PRKN: variants seen among roughly 807,000 people sequenced by gnomAD.
PRKN encodes the protein parkin RBR E3 ubiquitin protein ligase, also known as E3 ubiquitin-protein ligase parkin.
In PRKN, 56 loss-of-function variants were observed where a neutral mutation model predicts 59.5. That is an observed-to-expected ratio of 0.94 (90% confidence interval 0.76 to 1.18). The LOEUF is 1.18. Ranked by LOEUF, PRKN falls within the 50% of genes most tolerant of loss-of-function variation. The pLI is 0.00. For synonymous variants in PRKN, 250 were observed against 222.1 expected, an observed-to-expected ratio of 1.13 and a Z score of -1.12; for missense variants, 657 against 596.4, an observed-to-expected ratio of 1.10 and a Z score of -1.06.
intron 4 of PRKN, among the ~76,000 whole-genome samples, chr6:162,156,962 T>C (rs1010468510): frequency 6.6e-6 from 1 of 150,450 alleles, no homozygotes; most frequent in Admixed American, 6.7e-5. Flanking sequence ...CATTTCCCCA[T>C]TGCAAATCAC....
intron 6 of PRKN, among the ~76,000 whole-genome samples, chr6:161,935,724 C>A (rs1456652474): frequency 6.6e-6 from 1 of 151,866 alleles, no homozygotes; most frequent in Non-Finnish European, 1.5e-5. Context: ...ACGACAATGC[C>A]CCAAAGAAAT....
chr6:161,542,651 C>T (rs542205185), intron 9 of PRKN, among the ~76,000 whole-genome samples: 12 of 152,168 alleles, frequency 7.9e-5, no homozygotes, highest in Non-Finnish European at 1.8e-4. Context: ...TTTCATAACA[C>T]CAACTTTCTT....
At chr6:162,671,926 G>A (rs532293330) in intron 1 of PRKN, among the ~76,000 whole-genome samples, 4 of 152,062 alleles carry the variant, frequency 2.6e-5, no homozygotes, top group South Asian at 4.2e-4. Flanking sequence ...GACAGGTGAC[G>A]GAGGCAGACA....
At chr6:162,395,273 A>C (rs973879857) in intron 2 of PRKN, among the ~76,000 whole-genome samples, 2 of 152,184 alleles carry the variant, frequency 1.3e-5, no homozygotes, top group Non-Finnish European at 2.9e-5. Context: ...ATATAAAGGA[A>C]TGCAGCTGCC....
At chr6:162,719,777 C>A (rs1778861621) in intron 1 of PRKN, among the ~76,000 whole-genome samples, 1 of 151,844 alleles carries the variant, frequency 6.6e-6, no homozygotes, top group Admixed American at 6.6e-5. Flanking sequence ...GTTGTTCAGA[C>A]AACAGCTGCT....
intron 5 of PRKN, among the ~76,000 whole-genome samples, chr6:161,978,345 C>T (rs968762101): frequency 6.6e-5 from 10 of 152,204 alleles, no homozygotes; most frequent in Non-Finnish European, 8.8e-5. Context: ...CCACTGTGCC[C>T]GGCCGATCTG....
chr6:162,402,358 T>C (rs1787838876), intron 2 of PRKN, among the ~76,000 whole-genome samples: 2 of 151,958 alleles, frequency 1.3e-5, no homozygotes, highest in East Asian at 3.9e-4. Context: ...TTAATAGCCA[T>C]ATGTACTTTT....
intron 1 of PRKN, among the ~76,000 whole-genome samples, chr6:162,713,386 C>T (rs1026483814): frequency 6.8e-6 from 1 of 146,466 alleles, no homozygotes; most frequent in Non-Finnish European, 1.5e-5. Context: ...CCCAGCTACT[C>T]GGGAGGCTGA....
In PRKN at chr6:161,550,730, TGTGTGCAC is replaced by T. The variant is rs1413992274; in HGVS notation, c.934-1735_934-1728del. 3.8e-4 allele frequency among the ~76,000 whole-genome samples: 44 copies of T among 115,604 alleles called. No individual in the cohort carries two copies. Among genetic ancestry groups the T allele is most frequent in the Middle Eastern group, 4.8e-3 (1 of 210 alleles). 75.8% of individuals were successfully genotyped at this position (115,604 alleles called of 152,430 possible). On this transcript the variant is annotated intron_variant, in intron 8 of 11. Transcript: ENST00000366898. The surrounding 1 kb of genome is among the most constrained non-coding windows in gnomAD (Gnocchi z 4.0). The stretch of plus-strand genomic sequence containing the variant: ...TGTGGTAGAAGAAAGGGTATGTGTG[TGTGTGCAC>T]GTGTGTGTGTGTGTGTGTGTGTGTA...
intron 2 of PRKN, among the ~76,000 whole-genome samples, chr6:162,301,251 A>C (rs897247484): frequency 3.3e-5 from 5 of 152,250 alleles, no homozygotes; most frequent in Non-Finnish European, 7.4e-5. Context: ...CGTCCATGGA[A>C]GAGAGAAGAC....
At chr6:161,737,180 G>C (rs947885968) in intron 7 of PRKN, among the ~76,000 whole-genome samples, 1 of 152,208 alleles carries the variant, frequency 6.6e-6, no homozygotes, top group African/African-American at 2.4e-5. Context: ...AGGGGCTGAC[G>C]GCGAGGTCCA....
At chr6:162,690,293 G>A (rs1777728345) in intron 1 of PRKN, among the ~76,000 whole-genome samples, 3 of 152,176 alleles carry the variant, frequency 2.0e-5, no homozygotes, top group Admixed American at 1.3e-4. Flanking sequence ...ATTCTATGGA[G>A]AAACCAAGCA....
In PRKN at chr6:162,093,428, G is replaced by A. The variant is rs114253301; in HGVS notation, c.535-39254C>T. ...GTTATTAACCAATTTGCAGATCTCC[G>A]TGTATTACTGGTAATAGAGGCACAC... On this transcript the variant is annotated intron_variant, in intron 4 of 11. Coordinates refer to ENST00000366898, the MANE Select transcript of PRKN (RefSeq NM_004562.3). Among the ~76,000 whole-genome samples, 387 of 152,048 alleles carry A rather than the reference G, an allele frequency of 2.5e-3. 2 individuals carry two copies. The highest frequency in any genetic ancestry group is 9.0e-3 in the African/African-American group (375 of 41,456).
chr6:162,445,513 C>T (rs1029307882), intron 1 of PRKN, among the ~76,000 whole-genome samples: 2 of 151,264 alleles, frequency 1.3e-5, no homozygotes, highest in East Asian at 1.9e-4. Flanking sequence ...AAAGTGAGAC[C>T]CCATCTCTAC....
At chr6:161,769,528 G>A (rs1448279477) in intron 7 of PRKN, among the ~76,000 whole-genome samples, 1 of 152,132 alleles carries the variant, frequency 6.6e-6, no homozygotes. Flanking sequence ...GACAGAGGCT[G>A]CCAGATGTCC....
At chr6:161,667,058 A>T (rs1176323414) in intron 7 of PRKN, among the ~76,000 whole-genome samples, 3 of 152,232 alleles carry the variant, frequency 2.0e-5, no homozygotes, top group Non-Finnish European at 4.4e-5. Context: ...TCTATGATTA[A>T]CACAGCCAAG....
At chr6:161,713,446 G>T (rs945264495) in intron 7 of PRKN, among the ~76,000 whole-genome samples, 2 of 152,108 alleles carry the variant, frequency 1.3e-5, no homozygotes, top group African/African-American at 4.8e-5. Context: ...TCTCTAGGGG[G>T]TGCACCCTGA....
intron 9 of PRKN, among the ~76,000 whole-genome samples, chr6:161,452,101 G>A (rs60809812): frequency 2.0e-5 from 3 of 151,436 alleles, no homozygotes; most frequent in Non-Finnish European, 2.9e-5. Context: ...GATTACAGGC[G>A]CACCACCACA....
rs114764193 is a variant in PRKN at position 161,476,246 on chromosome 6, G to C, written c.1083+72608C>G. ...AAACTGTTCATCAAACTGCCAAATG[G>C]ATCTCTAGTACAAAATGGCTAAAAC... is the stretch of plus-strand genomic sequence containing the variant. On this transcript the variant is annotated intron_variant, in intron 9 of 11. Transcript: ENST00000366898. 5.1e-3 allele frequency among the ~76,000 whole-genome samples: 769 copies of C among 152,008 alleles called. 4 individuals are homozygous for C. The highest frequency in any genetic ancestry group is 0.017 in the African/African-American group (725 of 41,474).
Sources: gnomAD v4.1 joint callset for allele counts (sites outside exome capture counted in the v4.1 genomes callset) on GRCh38, gnomAD v4.1.1 for gene constraint, Gnocchi (gnomAD v3.1) non-coding constraint, MANE v1.5 for transcripts, NCBI Gene and HGNC (gene_info 2026-07-23, HGNC 2026-07-21) for gene names.